The following NRG3 variants were observed in gnomAD, a reference collection of about 807,000 sequenced individuals.
NRG3 encodes neuregulin 3.
NRG3 carries 31 observed loss-of-function variants against 66.9 expected under a neutral mutation model. The observed-to-expected ratio is 0.46, with a 90% CI of 0.35 to 0.63. The LOEUF is 0.63. NRG3 is among the 20% of genes least tolerant of loss of function. The probability of loss-of-function intolerance (pLI) is 0.00; values close to 1 mark genes in which losing one functional copy is unlikely to be tolerated. For synonymous variants in NRG3, 393 were observed against 359.4 expected, an observed-to-expected ratio of 1.09 and a Z score of -1.06; for missense variants, 910 against 878.9, an observed-to-expected ratio of 1.04 and a Z score of -0.45.
intron 1 of NRG3, among the ~76,000 whole-genome samples, chr10:81,938,078 T>C (rs1264561768): frequency 6.6e-6 from 1 of 152,170 alleles, no homozygotes; most frequent in East Asian, 1.9e-4. Flanking sequence ...TTCTGGGCTG[T>C]TTCATTCTAC....
intron 1 of NRG3, among the ~76,000 whole-genome samples, chr10:82,308,257 T>C (rs887800474): frequency 6.6e-6 from 1 of 152,066 alleles, no homozygotes; most frequent in East Asian, 1.9e-4. Context: ...TGGCTAAGTA[T>C]TGTATTTTTA....
chr10:82,487,386 T>C (rs1158933908), intron 2 of NRG3, among the ~76,000 whole-genome samples: 1 of 152,112 alleles, frequency 6.6e-6, no homozygotes, highest in Non-Finnish European at 1.5e-5. Flanking sequence ...AATACACGCT[T>C]TCTATCATTG....
chr10:82,253,537 C>T (rs1226236580), intron 1 of NRG3, among the ~76,000 whole-genome samples: 1 of 152,176 alleles, frequency 6.6e-6, no homozygotes, highest in African/African-American at 2.4e-5. Flanking sequence ...AATAGCTCTT[C>T]TCCAATCCTT....
intron 2 of NRG3, among the ~76,000 whole-genome samples, chr10:82,616,096 C>T (rs1022018420): frequency 7.2e-5 from 11 of 152,134 alleles, no homozygotes; most frequent in Non-Finnish European, 1.6e-4. Flanking sequence ...ACACTGAAAA[C>T]CTTCTCCAAG....
At chr10:82,396,913 A>G (rs1292864385) in intron 2 of NRG3, among the ~76,000 whole-genome samples, 3 of 152,174 alleles carry the variant, frequency 2.0e-5, no homozygotes, top group Non-Finnish European at 4.4e-5. Context: ...AGAATTTGCT[A>G]TCAACCCCTT....
intron 4 of NRG3, among the ~76,000 whole-genome samples, chr10:82,885,957 C>T (rs1842686793): frequency 1.3e-5 from 2 of 152,082 alleles, no homozygotes; most frequent in African/African-American, 2.4e-5. Context: ...CTGCAATCTC[C>T]GCCTCCCGGG....
intron 1 of NRG3, among the ~76,000 whole-genome samples, chr10:82,203,682 A>T (rs915569789): frequency 6.6e-6 from 1 of 152,212 alleles, no homozygotes; most frequent in African/African-American, 2.4e-5. Context: ...TAATGGCCGA[A>T]TATGAATATG....
intron 2 of NRG3, among the ~76,000 whole-genome samples, chr10:82,734,726 C>T (rs945680572): frequency 5.9e-5 from 9 of 152,002 alleles, no homozygotes; most frequent in African/African-American, 1.9e-4. Flanking sequence ...AAGAACTTAC[C>T]GGTTTCCAGG....
At chr10:82,765,560 CAGG>C (rs1362556806) in intron 3 of NRG3, among the ~76,000 whole-genome samples, 2 of 151,952 alleles carry the variant, frequency 1.3e-5, no homozygotes, top group Non-Finnish European at 2.9e-5. Context: ...CACTATTTTC[CAGG>C]AGAAGTGACA....
In NRG3 at chr10:82,456,986, G is replaced by A. The variant is rs111268105; in HGVS notation, c.953+98118G>A. ...TATTTCCTCTCCTTGGAATGCCTGC[G>A]ATCATCATAGGTATCTAGGAAACCA... On this transcript the variant is annotated intron_variant, in intron 2 of 8. Transcript: ENST00000372141. Among the ~76,000 whole-genome samples the A allele has an allele frequency of 3.2e-3, 486 of 152,056 alleles. 1 individual carries two copies. Among genetic ancestry groups the A allele is most frequent in the African/African-American group, 0.011 (460 of 41,462 alleles).
intron 1 of NRG3, among the ~76,000 whole-genome samples, chr10:82,055,175 C>A (rs2063775188): frequency 6.6e-6 from 1 of 151,876 alleles, no homozygotes; most frequent in African/African-American, 2.4e-5. Flanking sequence ...CATTGGTGAT[C>A]TTGATGAAAA....
intron 2 of NRG3, among the ~76,000 whole-genome samples, chr10:82,493,368 A>G (rs1843328071): frequency 6.6e-6 from 1 of 152,102 alleles, no homozygotes; most frequent in Non-Finnish European, 1.5e-5. Context: ...CTTATAAGTG[A>G]GGACATGCGA....
chr10:82,983,715 C>A (rs942750081), intron 8 of NRG3, among the ~76,000 whole-genome samples: 4 of 152,166 alleles, frequency 2.6e-5, no homozygotes, highest in Non-Finnish European at 5.9e-5. Flanking sequence ...TTTACAAGCA[C>A]TGTACAGATG....
intron 1 of NRG3, among the ~76,000 whole-genome samples, chr10:82,019,054 A>T (rs531154423): frequency 6.6e-6 from 1 of 152,238 alleles, no homozygotes; most frequent in South Asian, 2.1e-4. Flanking sequence ...CCCATTGAGG[A>T]TGATATTGGC....
At position 82,979,060 on chromosome 10, in the gene NRG3, C is replaced by T; in HGVS notation, c.1523C>T (p.Pro508Leu). The stretch of plus-strand genomic sequence containing the variant: ...AGTAGGCTAGGTGGAATTGTGGGAC[C>T]AGCATATCAGCAACTCGAAGAATCA... ...PRSRLGGIVGPAYQQLEESRI... is the reference protein window; with the variant it reads ...PRSRLGGIVGLAYQQLEESRI... The change falls in exon 8 of 9, where the codon CCA becomes CTA. Residue 508 changes from proline (P) to leucine (L), a missense_variant. Coordinates refer to ENST00000372141, the MANE Select transcript of NRG3 (RefSeq NM_001010848.4). 6.2e-7 allele frequency: 1 copy of T among 1,614,090 alleles called. No individual in the cohort carries two copies. Among genetic ancestry groups the T allele is most frequent in the Non-Finnish European group, 8.5e-7 (1 of 1,179,984 alleles).
At chr10:82,529,395 G>A (rs948109873) in intron 2 of NRG3, among the ~76,000 whole-genome samples, 2 of 152,218 alleles carry the variant, frequency 1.3e-5, no homozygotes, top group Non-Finnish European at 2.9e-5. Flanking sequence ...TTAGGAATTT[G>A]TAGAATATGT....
At chr10:82,133,895 T>A (rs774743134) in intron 1 of NRG3, among the ~76,000 whole-genome samples, 3 of 152,196 alleles carry the variant, frequency 2.0e-5, no homozygotes, top group Non-Finnish European at 4.4e-5. Context: ...TGTATTTGTG[T>A]TCCCTTTTCT....
intron 2 of NRG3, among the ~76,000 whole-genome samples, chr10:82,570,547 C>G (rs1400775024): frequency 1.3e-5 from 2 of 151,398 alleles, no homozygotes; most frequent in Non-Finnish European, 3.0e-5. Flanking sequence ...GTAGGTAGAC[C>G]TGTTTTTTAA....
In NRG3 at chr10:81,955,466, A is replaced by G. The variant is rs959921522; in HGVS notation, c.823+79303A>G. On this transcript the variant is annotated intron_variant, in intron 1 of 8. Coordinates refer to ENST00000372141, the MANE Select transcript of NRG3 (RefSeq NM_001010848.4). ...TAGTTCTGCATTTCATAGCCTTGTC[A>G]ATGATGAGGACTGATTGGGATCTGT... is the stretch of plus-strand genomic sequence containing the variant. Among the ~76,000 whole-genome samples, 59 of 152,132 alleles carry G rather than the reference A, an allele frequency of 3.9e-4. 1 individual carries two copies. Among genetic ancestry groups the G allele is most frequent in the African/African-American group, 1.4e-3 (59 of 41,414 alleles).
Sources: gnomAD v4.1 joint callset for allele counts (sites outside exome capture counted in the v4.1 genomes callset) on GRCh38, gnomAD v4.1.1 for gene constraint, MANE v1.5 for transcripts, NCBI Gene and HGNC (gene_info 2026-07-23, HGNC 2026-07-21) for gene names.